VAV3: variants seen among roughly 807,000 people sequenced by gnomAD.
VAV3 encodes the protein guanine nucleotide exchange factor VAV3.
A neutral mutation model predicts 131.2 loss-of-function variants in VAV3; 94 were observed. That is an observed-to-expected ratio of 0.72 (90% CI 0.61 to 0.85). The LOEUF (loss-of-function observed/expected upper bound fraction) is 0.85. Among genes scored for constraint, VAV3 ranks in the 40% least tolerant of loss-of-function variants. The probability of loss-of-function intolerance (pLI) is 0.00; values close to 1 mark genes in which losing one functional copy is unlikely to be tolerated. For missense variants in VAV3, 939 were observed against 1,002.7 expected (o/e 0.94, Z 0.86); for synonymous variants, 349 against 342.0 (o/e 1.02, Z -0.22).
intron 17 of VAV3, among the ~76,000 whole-genome samples, chr1:107,693,600 A>G (rs1659569175): frequency 6.6e-6 from 1 of 152,200 alleles, no homozygotes; most frequent in Non-Finnish European, 1.5e-5. Flanking sequence ...TTGAACAAAA[A>G]GAAGTGTTAA....
chr1:107,602,532 A>G (rs777087709), intron 23 of VAV3, 48 bp from the exon 24 acceptor site: 18 of 1,414,660 alleles, frequency 1.3e-5, no homozygotes, highest in Middle Eastern at 1.8e-4. Context: ...TTTAATCAGT[A>G]GAAATCAATA....
intron 2 of VAV3, among the ~76,000 whole-genome samples, chr1:107,863,834 A>G (rs890234742): frequency 6.6e-6 from 1 of 152,294 alleles, no homozygotes; most frequent in East Asian, 1.9e-4. Flanking sequence ...TCAGTTCTCA[A>G]ACCAGATTTC....
At chr1:107,726,390 T>C (rs982596238) in intron 15 of VAV3, among the ~76,000 whole-genome samples, 5 of 152,232 alleles carry the variant, frequency 3.3e-5, no homozygotes, top group African/African-American at 1.2e-4. Flanking sequence ...GCTCTGCAGA[T>C]ACTTTTCATG....
intron 2 of VAV3, among the ~76,000 whole-genome samples, chr1:107,787,371 A>G (rs753928157): frequency 6.6e-6 from 1 of 152,244 alleles, no homozygotes; most frequent in African/African-American, 2.4e-5. Context: ...AGGAAAGACC[A>G]TAACAATGAA....
At chr1:107,867,936 G>A (rs961872811) in intron 2 of VAV3, among the ~76,000 whole-genome samples, 1 of 152,186 alleles carries the variant, frequency 6.6e-6, no homozygotes, top group Admixed American at 6.5e-5. Context: ...AAGTTAGGGA[G>A]ATATGGCCTG....
intron 2 of VAV3, chr1:107,785,605 T>C: frequency 9.5e-6 from 11 of 1,152,902 alleles, no homozygotes; most frequent in Non-Finnish European, 1.2e-5. Context: ...AAGGCACAGA[T>C]GTTGCATCCT....
chr1:107,948,248 CATGA>C (rs1182958636), intron 1 of VAV3, among the ~76,000 whole-genome samples: 1 of 151,982 alleles, frequency 6.6e-6, no homozygotes, highest in Admixed American at 6.6e-5. Flanking sequence ...GAAAAACATA[CATGA>C]ATGAGAGAAA....
At chr1:107,953,756 C>G (rs538459364) in intron 1 of VAV3, among the ~76,000 whole-genome samples, 2 of 152,106 alleles carry the variant, frequency 1.3e-5, no homozygotes, top group Admixed American at 6.6e-5. Flanking sequence ...TAGGGAAGCA[C>G]GACGCTTGTT....
chr1:107,648,086 A>G (rs1326914742), intron 19 of VAV3, among the ~76,000 whole-genome samples: 2 of 152,064 alleles, frequency 1.3e-5, no homozygotes, highest in African/African-American at 4.8e-5. Flanking sequence ...AAACTGGTCT[A>G]AAGAACTGAC....
intron 2 of VAV3, among the ~76,000 whole-genome samples, chr1:107,787,456 A>ACCCC (rs1666070272): frequency 6.6e-6 from 1 of 152,180 alleles, no homozygotes; most frequent in Non-Finnish European, 1.5e-5. Context: ...GGCCAGTTGC[A>ACCCC]CCCCTTCGTG....
chr1:107,832,954 G>C (rs1668316064), intron 2 of VAV3, among the ~76,000 whole-genome samples: 1 of 152,074 alleles, frequency 6.6e-6, no homozygotes, highest in African/African-American at 2.4e-5. Flanking sequence ...ACTATCAAAA[G>C]TTTTAAAAAG....
At chr1:107,774,782 G>C (rs573194187) in intron 4 of VAV3, among the ~76,000 whole-genome samples, 10 of 152,128 alleles carry the variant, frequency 6.6e-5, no homozygotes, top group Non-Finnish European at 1.2e-4. Flanking sequence ...AAGGGCTTCC[G>C]TTTGGGTGAA....
rs114736818 is a variant in VAV3, at chr1:107,885,650, A to T, written c.205-10633T>A. On this transcript the variant is annotated intron_variant, in intron 1 of 26. Coordinates refer to ENST00000370056, the MANE Select transcript of VAV3 (RefSeq NM_006113.5). ...TTCCTCCTCATTTAACCTGCCCTTGACTTGTAACAGTACTTACCTGATACA... is the reference window on the plus strand; with the variant it reads ...TTCCTCCTCATTTAACCTGCCCTTGTCTTGTAACAGTACTTACCTGATACA... Among the ~76,000 whole-genome samples the T allele has an allele frequency of 8.1e-3, 1,240 of 152,148 alleles. 14 individuals are homozygous for T. Among genetic ancestry groups the T allele is most frequent in the African/African-American group, 0.028 (1,178 of 41,488 alleles).
rs370668561 is a variant in VAV3, at chr1:107,571,993, G to T, written c.*1338C>A. ...TAATGCTTCTTTTTTTTCCCAACAT[G>T]TAACTCTCTCAGTCTTGTCAGAACA... On this transcript the variant is annotated 3_prime_UTR_variant, in exon 27 of 27. Coordinates refer to ENST00000370056, the MANE Select transcript of VAV3 (RefSeq NM_006113.5). 5 of 152,254 alleles carry T rather than the reference G, an allele frequency of 3.3e-5. No individual in the cohort carries two copies. The highest frequency in any genetic ancestry group is 1.2e-4 in the African/African-American group (5 of 41,426). The allele number at this position is 152,254 out of a possible 1,614,324, so 9.4% of individuals were successfully genotyped here. A position where few individuals can be genotyped will look rare whatever the true frequency, so the allele number is the denominator to read the frequency against.
At chr1:107,950,415 G>T (rs2101334047) in intron 1 of VAV3, among the ~76,000 whole-genome samples, 1 of 152,320 alleles carries the variant, frequency 6.6e-6, no homozygotes, top group Non-Finnish European at 1.5e-5. Context: ...GTAATGATGA[G>T]GACTAGTTGA....
At chr1:107,599,846 T>G (rs1208751660) in intron 24 of VAV3, among the ~76,000 whole-genome samples, 1 of 150,292 alleles carries the variant, frequency 6.7e-6, no homozygotes, top group African/African-American at 2.4e-5. Context: ...AAGAGGATAC[T>G]GAACTATTCT....
At chr1:107,752,058 G>A (rs893298219) in intron 12 of VAV3, among the ~76,000 whole-genome samples, 17 of 152,148 alleles carry the variant, frequency 1.1e-4, no homozygotes, top group African/African-American at 4.1e-4. Context: ...GAACAAAGCT[G>A]GAAGTCTCAT....
chr1:107,631,117 T>A (rs899073875), intron 20 of VAV3, among the ~76,000 whole-genome samples: 1 of 152,300 alleles, frequency 6.6e-6, no homozygotes, highest in East Asian at 1.9e-4. Flanking sequence ...GTACCCCTTA[T>A]TTGGTAACTA....
chr1:107,596,492 C>T, intron 24 of VAV3, 151 bp from the exon 25 acceptor site: 2 of 781,414 alleles, frequency 2.6e-6, no homozygotes, highest in Non-Finnish European at 3.9e-6. Context: ...ATAATCTCTC[C>T]CTGCTGTCTG....
Sources: gnomAD v4.1 joint callset for allele counts (sites outside exome capture counted in the v4.1 genomes callset) on GRCh38, gnomAD v4.1.1 for gene constraint, MANE v1.5 for transcripts, NCBI Gene and HGNC (gene_info 2026-07-23, HGNC 2026-07-21) for gene names.